Variants in ATP8A2 observed in about 807,000 individuals in gnomAD.
The protein encoded by ATP8A2 is phospholipid-transporting ATPase IB.
A neutral mutation model predicts 165.6 loss-of-function variants in ATP8A2; 100 were observed. The ratio of observed to expected loss-of-function variants is 0.60; its 90% CI spans 0.51 to 0.71. The LOEUF is 0.71. Among genes scored for constraint, ATP8A2 ranks in the 30% least tolerant of loss-of-function variants. ATP8A2 has a pLI of 0.00. For synonymous variants in ATP8A2, 543 were observed against 548.8 expected (o/e 0.99, Z 0.15); for missense variants, 1,227 against 1,479.5 (o/e 0.83, Z 2.80).
At chr13:25,653,414 C>T (rs2041858668) in intron 24 of ATP8A2, among the ~76,000 whole-genome samples, 1 of 152,044 alleles carries the variant, frequency 6.6e-6, no homozygotes, top group Admixed American at 6.6e-5. Context: ...AACACATGGA[C>T]ACATAGAGGG....
chr13:25,438,757 A>G (rs1029848892), intron 1 of ATP8A2, among the ~76,000 whole-genome samples: 1 of 152,182 alleles, frequency 6.6e-6, no homozygotes, highest in African/African-American at 2.4e-5. Flanking sequence ...AATTCAGCCT[A>G]GTTGGCTGGG....
At chr13:25,628,743 T>C (rs911188344) in intron 24 of ATP8A2, among the ~76,000 whole-genome samples, 1 of 151,958 alleles carries the variant, frequency 6.6e-6, no homozygotes, top group Non-Finnish European at 1.5e-5. Flanking sequence ...GTGTACACAT[T>C]GTCACTTTAT....
At chr13:25,986,357 T>A (rs1383579122) in intron 35 of ATP8A2, among the ~76,000 whole-genome samples, 1 of 152,256 alleles carries the variant, frequency 6.6e-6, no homozygotes, top group Non-Finnish European at 1.5e-5. Flanking sequence ...GGCTAACTTC[T>A]TACTATTTTT....
intron 16 of ATP8A2, 64 bp downstream of exon 16, chr13:25,564,095 G>A (rs1473520019): frequency 4.2e-6 from 5 of 1,195,598 alleles, no homozygotes; most frequent in South Asian, 1.2e-5. Context: ...TTTTATATAT[G>A]CATGTAGTAT....
chr13:25,694,392 C>T (rs2137884447), intron 24 of ATP8A2, among the ~76,000 whole-genome samples: 1 of 152,274 alleles, frequency 6.6e-6, no homozygotes, highest in East Asian at 1.9e-4. Flanking sequence ...TCTCCCTGGG[C>T]CAAATCTGTG....
chr13:25,589,585 G>A (rs574925833), intron 23 of ATP8A2, 50 bp from the exon 24 acceptor site: 2 of 1,407,218 alleles, frequency 1.4e-6, no homozygotes, highest in Non-Finnish European at 2.0e-6. Flanking sequence ...AATTTAAGGA[G>A]CTCACAGAAG....
intron 33 of ATP8A2, among the ~76,000 whole-genome samples, chr13:25,941,554 G>A (rs1049263112): frequency 3.9e-5 from 6 of 152,180 alleles, no homozygotes; most frequent in African/African-American, 1.2e-4. Context: ...TCCAGAACCC[G>A]TGTGACTCTG....
intron 13 of ATP8A2, among the ~76,000 whole-genome samples, chr13:25,555,892 C>G (rs1047168619): frequency 1.3e-5 from 2 of 151,002 alleles, no homozygotes; most frequent in Admixed American, 1.3e-4. Flanking sequence ...TCTGTTCTTG[C>G]ATTAATTCTC....
rs1269976249 is a variant in ATP8A2, at chr13:25,391,912, A to G, written c.76+19624A>G. 2.6e-4 allele frequency among the ~76,000 whole-genome samples: 39 copies of G among 152,224 alleles called. 1 individual carries two copies. Among genetic ancestry groups the G allele is most frequent in the Admixed American group, 2.6e-3 (39 of 15,282 alleles). ...GCGGTTGAAAAAAATGATTTGGAAA[A>G]TGCCAACAGGCATCTATCACACTTT... On this transcript the variant is annotated intron_variant, in intron 1 of 36. Transcript: ENST00000381655.
chr13:25,397,808 G>A (rs183349500), intron 1 of ATP8A2, among the ~76,000 whole-genome samples: 3 of 152,304 alleles, frequency 2.0e-5, no homozygotes, highest in Non-Finnish European at 4.4e-5. Flanking sequence ...CATATAAGGT[G>A]TACATTGGTT....
chr13:25,480,375 C>A (rs1217995540), intron 2 of ATP8A2, among the ~76,000 whole-genome samples: 1 of 151,368 alleles, frequency 6.6e-6, no homozygotes, highest in African/African-American at 2.4e-5. Flanking sequence ...GGCTGCCGGG[C>A]GGAGGGGCTC....
At chr13:25,783,104 AT>A (rs954037471) in intron 27 of ATP8A2, among the ~76,000 whole-genome samples, 3 of 151,426 alleles carry the variant, frequency 2.0e-5, no homozygotes, top group Admixed American at 1.3e-4. Flanking sequence ...TTTCCTGAAT[AT>A]TTTTTTTTCC....
intron 24 of ATP8A2, among the ~76,000 whole-genome samples, chr13:25,607,711 T>A (rs2040554514): frequency 6.6e-6 from 1 of 152,234 alleles, no homozygotes. Context: ...TTTAAAAATG[T>A]TAACAAGCAT....
intron 25 of ATP8A2, among the ~76,000 whole-genome samples, chr13:25,730,152 A>G (rs528783905): frequency 3.4e-4 from 51 of 152,076 alleles, no homozygotes; most frequent in Non-Finnish European, 6.0e-4. Context: ...TTAACCAGGC[A>G]TGGTGCCGTG....
chr13:25,462,253 A>G (rs968332414), intron 1 of ATP8A2, among the ~76,000 whole-genome samples: 3 of 152,210 alleles, frequency 2.0e-5, no homozygotes, highest in Non-Finnish European at 4.4e-5. Flanking sequence ...TTACAGGTTA[A>G]GGGCACAGTC....
At chr13:25,591,324 C>A (rs2040070857) in intron 24 of ATP8A2, 1 of 456,706 alleles carries the variant, frequency 2.2e-6, no homozygotes, top group Admixed American at 2.3e-5. Context: ...CCACACCTAC[C>A]TCATCCCCTG....
chr13:25,728,295 T>A (rs11618879), intron 25 of ATP8A2, among the ~76,000 whole-genome samples: 2 of 152,202 alleles, frequency 1.3e-5, no homozygotes, highest in Non-Finnish European at 2.9e-5. Flanking sequence ...TTAGTCCTTG[T>A]TGAAGAAATT....
chr13:25,636,430 G>A (rs1322618151), intron 24 of ATP8A2, among the ~76,000 whole-genome samples: 21 of 152,178 alleles, frequency 1.4e-4, no homozygotes, highest in Admixed American at 1.4e-3. Flanking sequence ...ATCCTGTGAT[G>A]AAGATTGTCA....
chr13:25,741,616 A>G (rs1031561926), intron 25 of ATP8A2, among the ~76,000 whole-genome samples: 91 of 152,114 alleles, frequency 6.0e-4, no homozygotes, highest in Admixed American at 5.9e-4. Context: ...TGGACAAGCA[A>G]TCCTCCCACC....
Sources: allele counts gnomAD v4.1 joint callset (sites outside exome capture counted in the v4.1 genomes callset), GRCh38; gene constraint gnomAD v4.1.1; transcripts MANE v1.5; gene names NCBI Gene and HGNC (gene_info 2026-07-23, HGNC 2026-07-21).